Variants in VPS35L observed in about 807,000 individuals in gnomAD.
VPS35L encodes VPS35 endosomal protein-sorting factor-like.
Under a neutral mutation model 133.0 loss-of-function variants are expected in VPS35L, and 83 were observed. The observed-to-expected ratio is 0.62, with a 90% CI of 0.52 to 0.75. The LOEUF is 0.75. Among genes scored for constraint, VPS35L ranks in the 30% least tolerant of loss-of-function variants. The pLI is 0.00. For synonymous variants in VPS35L, 423 were observed against 449.9 expected, an observed-to-expected ratio of 0.94 and a Z score of 0.76; for missense variants, 1,083 against 1,206.8, an observed-to-expected ratio of 0.90 and a Z score of 1.52.
intron 26 of VPS35L, among the ~76,000 whole-genome samples, chr16:19,655,166 C>T (rs1298025996): frequency 6.6e-6 from 1 of 152,178 alleles, no homozygotes; most frequent in Non-Finnish European, 1.5e-5. Context: ...GGACTCTGGG[C>T]TCCTTGTCTG....
rs116699248 is a variant in VPS35L, at chr16:19,613,871, G to A, written c.1024-2243G>A. 2.0e-3 allele frequency among the ~76,000 whole-genome samples: 306 copies of A among 152,278 alleles called. 1 individual carries two copies. Among genetic ancestry groups the A allele is most frequent in the African/African-American group, 7.2e-3 (297 of 41,538 alleles). Reference sequence around the variant, plus strand: ...ATCTAATTTGCCGATACCAGCAATGGGGGGGATGAATGCTGGGCAGGCCGA... The same window carrying A: ...ATCTAATTTGCCGATACCAGCAATGAGGGGGATGAATGCTGGGCAGGCCGA... On this transcript the variant is annotated intron_variant, in intron 12 of 30. Coordinates refer to ENST00000417362, the MANE Select transcript of VPS35L (RefSeq NM_020314.7).
At chr16:19,622,558 C>A (rs1461035071) in intron 14 of VPS35L, among the ~76,000 whole-genome samples, 15 of 152,044 alleles carry the variant, frequency 9.9e-5, no homozygotes. Flanking sequence ...TTTCGTTCAG[C>A]ATATGGTTGA....
At chr16:19,673,344 G>A (rs1390798000) in intron 27 of VPS35L, among the ~76,000 whole-genome samples, 2 of 152,178 alleles carry the variant, frequency 1.3e-5, no homozygotes, top group Admixed American at 6.5e-5. Flanking sequence ...GTCCTATCAC[G>A]TGGGGCCCGC....
At chr16:19,637,701 C>T (rs1190251921) in intron 20 of VPS35L, 45 bp downstream of exon 20, 2 of 1,340,472 alleles carry the variant, frequency 1.5e-6, no homozygotes, top group Non-Finnish European at 2.1e-6. Context: ...GTACCTGGCT[C>T]AGAGGTTCTC....
rs1306866119 is a variant in VPS35L at position 19,594,667 on chromosome 16, AAAAAG to A, written c.724+2796_724+2800del. Among the ~76,000 whole-genome samples the A allele has an allele frequency of 4.1e-4, 62 of 149,570 alleles. 3 individuals carry two copies. Among genetic ancestry groups the A allele is most frequent in the East Asian group, 2.2e-3 (11 of 5,100 alleles). On this transcript the variant is annotated intron_variant, in intron 8 of 30. Transcript: ENST00000417362. Reference sequence around the variant, plus strand: ...CTCAAAAAAAAAAAAAAAAAAAAAAAAAAAGAAGAGAAAAAAAATCCTCGCCTTTG... The same window carrying A: ...CTCAAAAAAAAAAAAAAAAAAAAAAAAAGAGAAAAAAAATCCTCGCCTTTG...
At chr16:19,574,997 T>C in intron 4 of VPS35L, 101 bp from the exon 5 acceptor site, 2 of 970,302 alleles carry the variant, frequency 2.1e-6, no homozygotes, top group Admixed American at 2.6e-5. Context: ...CTTCTTTGAA[T>C]ATATATTTCT....
At chr16:19,649,973 T>TG (rs1166989888) in intron 24 of VPS35L, among the ~76,000 whole-genome samples, 1 of 152,196 alleles carries the variant, frequency 6.6e-6, no homozygotes, top group Non-Finnish European at 1.5e-5. Flanking sequence ...TTGTTGGTAC[T>TG]GTATAGCTGA....
chr16:19,620,964 T>C (rs552099937), intron 14 of VPS35L, among the ~76,000 whole-genome samples: 97 of 151,444 alleles, frequency 6.4e-4, no homozygotes, highest in African/African-American at 2.1e-3. Flanking sequence ...AAAGAATAAA[T>C]TAAAAAAAAT....
At chr16:19,648,257 G>T (rs559192679) in intron 24 of VPS35L, among the ~76,000 whole-genome samples, 4 of 152,060 alleles carry the variant, frequency 2.6e-5, no homozygotes, top group Non-Finnish European at 5.9e-5. Context: ...GAACCACTGC[G>T]CCCACCCTTA....
At chr16:19,569,718 G>C in intron 3 of VPS35L, 127 bp downstream of exon 3, 1 of 1,033,650 alleles carries the variant, frequency 9.7e-7, no homozygotes, top group Non-Finnish European at 1.3e-6. Flanking sequence ...ACCCAGGCTG[G>C]AGTGCAGTGG....
intron 9 of VPS35L, among the ~76,000 whole-genome samples, chr16:19,603,161 G>A (rs1972438641): frequency 1.3e-5 from 2 of 152,142 alleles, no homozygotes; most frequent in Admixed American, 1.3e-4. Context: ...GGCTTTTTAG[G>A]TCTTGAAGTG....
At chr16:19,657,449 TAGGTC>T (rs746411486) in intron 26 of VPS35L, among the ~76,000 whole-genome samples, 2 of 152,190 alleles carry the variant, frequency 1.3e-5, no homozygotes, top group African/African-American at 2.4e-5. Flanking sequence ...AACAGAAAGT[TAGGTC>T]AGGTCATCCT....
intron 9 of VPS35L, among the ~76,000 whole-genome samples, chr16:19,606,393 G>C (rs959144397): frequency 6.6e-6 from 1 of 152,132 alleles, no homozygotes; most frequent in Non-Finnish European, 1.5e-5. Context: ...TGGATCTCTT[G>C]AAAGTAGAAA....
chr16:19,563,912 A>G (rs549367817), intron 1 of VPS35L, among the ~76,000 whole-genome samples: 1 of 152,112 alleles, frequency 6.6e-6, no homozygotes, highest in African/African-American at 2.4e-5. Flanking sequence ...CTGCTGCCTC[A>G]CAGCTGCCCT....
chr16:19,637,948 G>A (rs1226494777), intron 20 of VPS35L, among the ~76,000 whole-genome samples: 2 of 152,122 alleles, frequency 1.3e-5, no homozygotes, highest in Non-Finnish European at 2.9e-5. Flanking sequence ...AAACACTTTG[G>A]ACAGCCTTCT....
intron 1 of VPS35L, among the ~76,000 whole-genome samples, chr16:19,562,765 CT>C (rs780190563): frequency 8.6e-5 from 13 of 150,556 alleles, no homozygotes; most frequent in Non-Finnish European, 1.6e-4. Flanking sequence ...ATTTTTTTTT[CT>C]TTTTAAGAGA....
At chr16:19,696,217 G>A (rs1318897908) in intron 29 of VPS35L, among the ~76,000 whole-genome samples, 1 of 152,148 alleles carries the variant, frequency 6.6e-6, no homozygotes, top group East Asian at 1.9e-4. Flanking sequence ...TTGAAGTTCA[G>A]CTCAACAGCC....
chr16:19,658,798 C>T (rs185342175), intron 26 of VPS35L, among the ~76,000 whole-genome samples: 11 of 152,072 alleles, frequency 7.2e-5, no homozygotes, highest in Admixed American at 5.9e-4. Context: ...GCTGAGAAAA[C>T]AGTACGTCTG....
At chr16:19,610,534 G>C (rs1371792074) in intron 12 of VPS35L, 119 bp downstream of exon 12, 1 of 619,898 alleles carries the variant, frequency 1.6e-6, no homozygotes, top group Non-Finnish European at 2.6e-6. Context: ...CTTTATTAGT[G>C]GCTAATTTTA....
Sources: gnomAD v4.1 joint callset for allele counts (sites outside exome capture counted in the v4.1 genomes callset) on GRCh38, gnomAD v4.1.1 for gene constraint, MANE v1.5 for transcripts, NCBI Gene and HGNC (gene_info 2026-07-23, HGNC 2026-07-21) for gene names.